NEBL: variants seen among roughly 807,000 people sequenced by gnomAD.
NEBL encodes nebulette, also known as LIM and SH3 protein 2.
In NEBL, 122 loss-of-function variants were observed where a neutral mutation model predicts 140.2. The observed-to-expected ratio is 0.87, with a 90% CI of 0.75 to 1.01. The LOEUF (loss-of-function observed/expected upper bound fraction) is 1.01, where lower values mean the gene tolerates loss of function less well. Ranked by LOEUF, NEBL falls within the 50% of genes least tolerant of loss-of-function variation. NEBL has a pLI of 0.00. For missense variants in NEBL, 1,365 were observed against 1,231.3 expected, an observed-to-expected ratio of 1.11 and a Z score of -1.62; for synonymous variants, 436 against 398.9, an observed-to-expected ratio of 1.09 and a Z score of -1.11.
rs147652933 is a variant in NEBL, at chr10:20,905,137, C to T, written c.357+56535G>A. Among the ~76,000 whole-genome samples, 1,107 of 152,114 alleles carry T rather than the reference C, an allele frequency of 7.3e-3. 13 individuals carry two copies. Among genetic ancestry groups the T allele is most frequent in the African/African-American group, 0.025 (1,055 of 41,492 alleles). On this transcript the variant is annotated intron_variant, in intron 4 of 6. Coordinates refer to the NEBL transcript ENST00000417816. ...GGTTGTAGAGCATATTGCAAACAAC[C>T]ATTAGAACTATAACTTACACAAACA...
At chr10:20,860,884 G>A (rs1843631541) in intron 7 of NEBL, among the ~76,000 whole-genome samples, 1 of 152,114 alleles carries the variant, frequency 6.6e-6, no homozygotes, top group Non-Finnish European at 1.5e-5. Context: ...ACCTATTAGA[G>A]AGAGCTAGAG....
intron 3 of NEBL, among the ~76,000 whole-genome samples, chr10:20,994,257 T>C (rs1020130264): frequency 2.6e-5 from 4 of 152,336 alleles, no homozygotes; most frequent in East Asian, 1.9e-4. Flanking sequence ...AGTCTCTCCA[T>C]GTGTAGTCAA....
intron 2 of NEBL, among the ~76,000 whole-genome samples, chr10:21,168,062 A>G (rs1436379432): frequency 1.3e-5 from 2 of 152,230 alleles, no homozygotes; most frequent in Non-Finnish European, 2.9e-5. Flanking sequence ...TCGTTCTATC[A>G]AAAGATCAAA....
At position 21,126,188 on chromosome 10, in the gene NEBL, T is replaced by C. The variant is rs1322416467; in HGVS notation, c.164+46195A>G. The C allele has an allele frequency of 3.4e-6, 5 of 1,481,384 alleles. No homozygotes were observed. The East Asian group carries it at 9.2e-5, about 27-fold the overall frequency. The allele number at this position is 1,481,384 out of a possible 1,614,324, so 91.8% of individuals were successfully genotyped here. ...TACCCCCCATAGAAAGGAAAAAAAA[T>C]ACCACATTTGGAATAATAACAACTA... On this transcript the variant is annotated intron_variant, in intron 2 of 6. Coordinates refer to the NEBL transcript ENST00000417816.
intron 12 of NEBL, chr10:20,841,603 T>C (rs1841416036): frequency 6.6e-6 from 1 of 152,030 alleles, no homozygotes; most frequent in African/African-American, 2.4e-5. Context: ...ATGGAATCTA[T>C]GGCTCACGAT....
intron 9 of NEBL, among the ~76,000 whole-genome samples, chr10:20,853,460 C>T (rs565730476): frequency 2.3e-4 from 35 of 152,198 alleles, no homozygotes; most frequent in Admixed American, 9.2e-4. Flanking sequence ...ATATACACAA[C>T]GGAATACTAT....
intron 3 of NEBL, among the ~76,000 whole-genome samples, chr10:20,979,310 A>G (rs1026787534): frequency 5.9e-5 from 9 of 152,050 alleles, no homozygotes; most frequent in Non-Finnish European, 1.3e-4. Context: ...GTATTTATTT[A>G]GATATATAAA....
intron 3 of NEBL, among the ~76,000 whole-genome samples, chr10:20,982,507 G>T (rs1837091866): frequency 6.6e-6 from 1 of 152,240 alleles, no homozygotes; most frequent in Admixed American, 6.5e-5. Flanking sequence ...TCAGAGGAGA[G>T]AATAATTCCA....
chr10:20,877,766 C>T (rs1588913266), intron 5 of NEBL, among the ~76,000 whole-genome samples: 1 of 152,160 alleles, frequency 6.6e-6, no homozygotes, highest in East Asian at 1.9e-4. Context: ...GAAAGTCACG[C>T]CTGGTCCAAC....
intron 3 of NEBL, among the ~76,000 whole-genome samples, chr10:20,996,242 T>C (rs900401509): frequency 6.6e-6 from 1 of 152,188 alleles, no homozygotes; most frequent in Non-Finnish European, 1.5e-5. Context: ...GGAGAGGCCT[T>C]TTCCCCAGGG....
intron 9 of NEBL, among the ~76,000 whole-genome samples, 180 bp downstream of exon 9, chr10:20,858,060 C>A (rs986267427): frequency 6.6e-6 from 1 of 151,964 alleles, no homozygotes; most frequent in Admixed American, 6.6e-5. Context: ...ACCTCCTTTG[C>A]AAAGTGACAG....
In NEBL at chr10:20,785,276, T is replaced by C; in HGVS notation, c.*471A>G. ...TCTGCCACTGTTTACACTTATTATA[T>C]TGGGCAATTTTCACTAATATTGGAA... On this transcript the variant is annotated 3_prime_UTR_variant, in exon 28 of 28. Transcript: ENST00000377122. 1 of 204,890 alleles carries C rather than the reference T, an allele frequency of 4.9e-6. No individual in the cohort carries two copies. The allele number at this position is 204,890 out of a possible 1,614,324, so 12.7% of individuals were successfully genotyped here.
At chr10:20,961,728 C>T (rs779226177) in exon 4 of NEBL, 15 of 1,613,756 alleles carry the variant, frequency 9.3e-6, no homozygotes, top group African/African-American at 4.0e-5. Context: ...GTGTCCGTGA[C>T]GATGCTGAAG....
chr10:21,246,632 G>A (rs1842520181), intron 3 of NEBL, among the ~76,000 whole-genome samples: 1 of 151,738 alleles, frequency 6.6e-6, no homozygotes, highest in South Asian at 2.1e-4. Flanking sequence ...GATCACCTGA[G>A]GCCAGAAGTT....
intron 1 of NEBL, among the ~76,000 whole-genome samples, chr10:21,252,714 G>A (rs950338936): frequency 1.7e-4 from 26 of 152,146 alleles, no homozygotes; most frequent in African/African-American, 5.8e-4. Context: ...CTAGCACTTC[G>A]GGAGGCCAAG....
At chr10:21,076,279 C>T (rs1322823573) in intron 2 of NEBL, among the ~76,000 whole-genome samples, 1 of 151,530 alleles carries the variant, frequency 6.6e-6, no homozygotes, top group African/African-American at 2.4e-5. Context: ...CCCATCTCTA[C>T]TAAAAATACA....
chr10:20,833,154 A>T (rs749222974), intron 14 of NEBL, among the ~76,000 whole-genome samples: 9 of 152,146 alleles, frequency 5.9e-5, no homozygotes, highest in Non-Finnish European at 8.8e-5. Context: ...AACAAAACAC[A>T]CCAAAACTTA....
At chr10:21,243,325 A>T (rs1842466484) in intron 3 of NEBL, among the ~76,000 whole-genome samples, 1 of 127,620 alleles carries the variant, frequency 7.8e-6, no homozygotes, top group African/African-American at 3.1e-5. Flanking sequence ...TTTTTGAGTC[A>T]GGGTACGGTT....
intron 4 of NEBL, among the ~76,000 whole-genome samples, chr10:20,914,557 T>C (rs2131474801): frequency 6.6e-6 from 1 of 152,340 alleles, no homozygotes; most frequent in East Asian, 1.9e-4. Flanking sequence ...TTTCCTTGGT[T>C]ATTGCTTTGT....
Sources: allele counts gnomAD v4.1 joint callset (sites outside exome capture counted in the v4.1 genomes callset), GRCh38; gene constraint gnomAD v4.1.1; transcripts MANE v1.5; gene names NCBI Gene and HGNC (gene_info 2026-07-23, HGNC 2026-07-21).